The following CNTNAP5 variants were observed in gnomAD, a reference collection of about 807,000 sequenced individuals.
The protein encoded by CNTNAP5 is contactin-associated protein-like 5.
Under a neutral mutation model 150.2 loss-of-function variants are expected in CNTNAP5, and 72 were observed. That is an observed-to-expected ratio of 0.48 (90% CI 0.40 to 0.58). CNTNAP5 has a LOEUF of 0.58. Ranked by LOEUF, CNTNAP5 falls within the 20% of genes least tolerant of loss-of-function variation. The pLI is 0.00. For missense variants in CNTNAP5, 1,636 were observed against 1,626.2 expected, an observed-to-expected ratio of 1.01 and a Z score of -0.10; for synonymous variants, 672 against 619.8, an observed-to-expected ratio of 1.08 and a Z score of -1.25.
At chr2:124,142,361 C>G (rs1162523585) in intron 1 of CNTNAP5, among the ~76,000 whole-genome samples, 1 of 150,448 alleles carries the variant, frequency 6.6e-6, no homozygotes, top group Non-Finnish European at 1.5e-5. Flanking sequence ...CACACCACAC[C>G]TATTCCAAAA....
intron 2 of CNTNAP5, among the ~76,000 whole-genome samples, chr2:124,240,370 G>T (rs1239493031): frequency 2.0e-5 from 3 of 152,182 alleles, no homozygotes; most frequent in Non-Finnish European, 4.4e-5. Flanking sequence ...TGGAGAAGGA[G>T]CACGCTAGCC....
chr2:124,552,888 C>A (rs957801014), intron 10 of CNTNAP5, among the ~76,000 whole-genome samples: 92 of 152,292 alleles, frequency 6.0e-4, no homozygotes, highest in African/African-American at 2.2e-3. Flanking sequence ...TTTAATGTCT[C>A]ATGGCATTCT....
At chr2:124,655,402 C>T (rs148011635) in intron 13 of CNTNAP5, among the ~76,000 whole-genome samples, 1 of 152,182 alleles carries the variant, frequency 6.6e-6, no homozygotes, top group African/African-American at 2.4e-5. Context: ...CACTGATGGA[C>T]ATTTAGGTTG....
intron 19 of CNTNAP5, among the ~76,000 whole-genome samples, chr2:124,813,379 TTTTTTTTTTC>T (rs1049130237): frequency 3.0e-5 from 4 of 131,170 alleles, no homozygotes; most frequent in African/African-American, 1.5e-4. Flanking sequence ...GCCTGGCCTG[TTTTTTTTTTC>T]TTTTTTTTTC....
intron 13 of CNTNAP5, among the ~76,000 whole-genome samples, chr2:124,711,323 A>G (rs903284598): frequency 6.6e-6 from 1 of 151,976 alleles, no homozygotes; most frequent in African/African-American, 2.4e-5. Flanking sequence ...TTCTCCTATA[A>G]AACTCATCAG....
At chr2:124,424,028 G>A (rs1692184015) in intron 4 of CNTNAP5, among the ~76,000 whole-genome samples, 1 of 152,138 alleles carries the variant, frequency 6.6e-6, no homozygotes, top group Non-Finnish European at 1.5e-5. Context: ...AGGCCTCCCA[G>A]TCTCATTATG....
At chr2:124,761,810 C>A (rs1432635927) in intron 14 of CNTNAP5, among the ~76,000 whole-genome samples, 1 of 152,076 alleles carries the variant, frequency 6.6e-6, no homozygotes, top group African/African-American at 2.4e-5. Flanking sequence ...AATACAATTT[C>A]TTTCCTCTGT....
intron 10 of CNTNAP5, among the ~76,000 whole-genome samples, chr2:124,552,205 A>G (rs1260220054): frequency 6.6e-6 from 1 of 152,160 alleles, no homozygotes; most frequent in Non-Finnish European, 1.5e-5. Flanking sequence ...CTAGAGTTTG[A>G]TGAGGGAAGT....
At chr2:124,675,540 G>A (rs886313767) in intron 13 of CNTNAP5, among the ~76,000 whole-genome samples, 2 of 151,904 alleles carry the variant, frequency 1.3e-5, no homozygotes, top group Non-Finnish European at 2.9e-5. Flanking sequence ...GTTATCCTGG[G>A]AATTACAATT....
intron 6 of CNTNAP5, among the ~76,000 whole-genome samples, chr2:124,452,879 C>T (rs1693022731): frequency 6.6e-6 from 1 of 152,096 alleles, no homozygotes; most frequent in African/African-American, 2.4e-5. Flanking sequence ...TGTACAACAG[C>T]CTTGTGTCCC....
chr2:124,596,068 G>A, intron 11 of CNTNAP5, among the ~76,000 whole-genome samples: 1 of 130,092 alleles, frequency 7.7e-6, no homozygotes, highest in Non-Finnish European at 1.6e-5. Context: ...TATCAATTTT[G>A]TTGATCCTTT....
At chr2:124,240,757 C>A (rs1686865731) in intron 2 of CNTNAP5, among the ~76,000 whole-genome samples, 1 of 152,136 alleles carries the variant, frequency 6.6e-6, no homozygotes, top group Non-Finnish European at 1.5e-5. Flanking sequence ...CAAGATGTGC[C>A]TTTAAGTCCT....
intron 12 of CNTNAP5, among the ~76,000 whole-genome samples, chr2:124,611,187 A>C (rs1324488251): frequency 2.0e-5 from 3 of 152,216 alleles, no homozygotes; most frequent in Non-Finnish European, 4.4e-5. Context: ...CTGTAGGCAG[A>C]CACTGTTTTA....
At chr2:124,301,117 C>T (rs1294468685) in intron 3 of CNTNAP5, among the ~76,000 whole-genome samples, 1 of 152,144 alleles carries the variant, frequency 6.6e-6, no homozygotes, top group Non-Finnish European at 1.5e-5. Context: ...GCATCACGTG[C>T]TTTACAAAGA....
chr2:124,104,287 T>C (rs980696331), intron 1 of CNTNAP5, among the ~76,000 whole-genome samples: 17 of 152,234 alleles, frequency 1.1e-4, no homozygotes, highest in African/African-American at 4.1e-4. Context: ...TTCTGTTCTC[T>C]ACATTATTTT....
At chr2:124,750,707 CG>C (rs1483192586) in intron 14 of CNTNAP5, among the ~76,000 whole-genome samples, 1 of 151,914 alleles carries the variant, frequency 6.6e-6, no homozygotes, top group Non-Finnish European at 1.5e-5. Flanking sequence ...GTGGCAAGGT[CG>C]GACATAGTGG....
chr2:124,072,322 AT>A (rs771019613), intron 1 of CNTNAP5, among the ~76,000 whole-genome samples: 8 of 152,092 alleles, frequency 5.3e-5, no homozygotes, highest in Admixed American at 6.6e-5. Flanking sequence ...TGGGAAAAAA[AT>A]ACAAGGATAC....
chr2:124,474,428 A>T (rs1410411922), intron 6 of CNTNAP5, among the ~76,000 whole-genome samples: 1 of 152,074 alleles, frequency 6.6e-6, no homozygotes, highest in Non-Finnish European at 1.5e-5. Context: ...AGAGATAATT[A>T]TAAAGACATT....
intron 3 of CNTNAP5, among the ~76,000 whole-genome samples, chr2:124,248,584 C>G (rs572808594): frequency 3.9e-5 from 6 of 152,238 alleles, no homozygotes; most frequent in African/African-American, 1.2e-4. Context: ...CTCCAGCCCT[C>G]TGGCTCCACA....
Sources: allele counts gnomAD v4.1 joint callset (sites outside exome capture counted in the v4.1 genomes callset), GRCh38; gene constraint gnomAD v4.1.1; transcripts MANE v1.5; gene names NCBI Gene and HGNC (gene_info 2026-07-23, HGNC 2026-07-21).